Variants in TXLNB observed in about 807,000 individuals in gnomAD.
TXLNB encodes the protein beta-taxilin.
In TXLNB, 37 loss-of-function variants were observed where a neutral mutation model predicts 57.4. The ratio of observed to expected loss-of-function variants is 0.64; its 90% CI spans 0.50 to 0.85. The LOEUF is 0.85. Ranked by LOEUF, TXLNB falls within the 40% of genes least tolerant of loss-of-function variation. The pLI is 0.00. For missense variants in TXLNB, 848 were observed against 825.6 expected (o/e 1.03, Z -0.33); for synonymous variants, 302 against 309.6 (o/e 0.98, Z 0.26).
In TXLNB at chr6:139,242,902, G is replaced by GT. The variant is rs1375072117; in HGVS notation, c.1678dup (p.Thr560AsnfsTer5). On this transcript the variant is annotated frameshift_variant, in exon 10 of 10. Transcript: ENST00000358430. LOFTEE classifies it low-confidence loss of function (END_TRUNC). Reference sequence around the variant, plus strand: ...GCCTCCTTCGGCTTCAGCCTGAGGAGTTAGGGGAGGCAGGGGACTCTCTGA... The same window carrying GT: ...GCCTCCTTCGGCTTCAGCCTGAGGAGTTTAGGGGAGGCAGGGGACTCTCTGA... 6.2e-7 allele frequency: 1 copy of GT among 1,614,170 alleles called. No individual in the cohort carries two copies. The highest frequency in any genetic ancestry group is 8.5e-7 in the Non-Finnish European group (1 of 1,180,028).
the TXLNB span, chr6:139,166,176 C>G: frequency 4.6e-6 from 4 of 871,442 alleles, no homozygotes; most frequent in Non-Finnish European, 7.2e-6. Flanking sequence ...AACTGCCTTT[C>G]ATTATATTCA....
the TXLNB span, among the ~76,000 whole-genome samples, chr6:139,190,703 T>C: frequency 1.3e-5 from 2 of 152,184 alleles, no homozygotes; most frequent in African/African-American, 2.4e-5. Flanking sequence ...GGCACCAAAC[T>C]CATTCTGATT....
At chr6:139,206,850 C>A in the TXLNB span, among the ~76,000 whole-genome samples, 1 of 152,072 alleles carries the variant, frequency 6.6e-6, no homozygotes, top group African/African-American at 2.4e-5. Flanking sequence ...AGTAGTTATT[C>A]TTAGATAAAG....
chr6:139,202,125 T>A, the TXLNB span, among the ~76,000 whole-genome samples: 16 of 152,352 alleles, frequency 1.1e-4, no homozygotes, highest in African/African-American at 3.8e-4. Context: ...CAGAAACCTG[T>A]CCCAGACTGA....
At chr6:139,265,830 C>A (rs1776601377) in intron 4 of TXLNB, among the ~76,000 whole-genome samples, 1 of 152,114 alleles carries the variant, frequency 6.6e-6, no homozygotes, top group African/African-American at 2.4e-5. Context: ...GGGCAAAATT[C>A]TCATATAAAA....
At chr6:139,188,785 T>C in the TXLNB span, among the ~76,000 whole-genome samples, 8 of 150,152 alleles carry the variant, frequency 5.3e-5, no homozygotes, top group East Asian at 1.5e-3. Context: ...GACGAAGTCT[T>C]GCTCTGTCGC....
chr6:139,190,522 G>T, the TXLNB span, among the ~76,000 whole-genome samples: 1 of 152,004 alleles, frequency 6.6e-6, no homozygotes, highest in African/African-American at 2.4e-5. Flanking sequence ...CATTGGCTAG[G>T]CTGGTCTGGA....
At position 139,247,824 on chromosome 6, in the gene TXLNB, A is replaced by G. The variant is rs368627711; in HGVS notation, c.1163T>C (p.Met388Thr). ...NEVFATFKQE[M>T]DKTTKKMKKL... The stretch of plus-strand genomic sequence containing the variant: ...GTGATAAGCAATACTCACTTTGTCC[A>G]TTTCCTGTTTGAACGTGGCAAACAC... Residue 388 changes from methionine (M) to threonine (T), a missense_variant, in exon 8 of 10, where the codon ATG (methionine) becomes ACG (threonine). By Grantham distance (81) the Met-to-Thr change is moderately conservative. Transcript: ENST00000358430. The G allele has an allele frequency of 2.8e-5, 45 of 1,602,370 alleles. 2 individuals are homozygous for G. The South Asian group carries it at 3.9e-4, about 14-fold the overall frequency.
the TXLNB span, among the ~76,000 whole-genome samples, chr6:139,233,694 A>C: frequency 7.2e-5 from 11 of 152,284 alleles, no homozygotes; most frequent in African/African-American, 2.6e-4. Flanking sequence ...GCCATGCAGA[A>C]CTATGAGTCA....
At chr6:139,307,390 T>C in the TXLNB span, among the ~76,000 whole-genome samples, 1 of 152,198 alleles carries the variant, frequency 6.6e-6, no homozygotes, top group East Asian at 1.9e-4. Flanking sequence ...GGTCTTGCTA[T>C]GTTGCTCACT....
At chr6:139,274,788 A>C (rs566981821) in intron 3 of TXLNB, among the ~76,000 whole-genome samples, 1 of 152,248 alleles carries the variant, frequency 6.6e-6, no homozygotes, top group Non-Finnish European at 1.5e-5. Context: ...TCAAGTATAG[A>C]ACATGGCGCT....
the TXLNB span, among the ~76,000 whole-genome samples, chr6:139,314,962 T>C: frequency 6.6e-6 from 1 of 152,014 alleles, no homozygotes; most frequent in South Asian, 2.1e-4. Context: ...ACAAACAAAT[T>C]AGCTACAAGA....
the TXLNB span, among the ~76,000 whole-genome samples, chr6:139,323,475 G>T: frequency 6.6e-6 from 1 of 151,942 alleles, no homozygotes; most frequent in Non-Finnish European, 1.5e-5. Context: ...GTAGAGACGG[G>T]GGTTTCACAG....
the TXLNB span, chr6:139,170,491 G>A: frequency 6.6e-6 from 1 of 152,216 alleles, no homozygotes; most frequent in Non-Finnish European, 1.5e-5. Flanking sequence ...GAATGCTGAT[G>A]TCAAAAGGTG....
chr6:139,173,747 G>T, the TXLNB span, among the ~76,000 whole-genome samples: 3 of 152,164 alleles, frequency 2.0e-5, no homozygotes, highest in Non-Finnish European at 4.4e-5. Context: ...TCAAATAATG[G>T]AGGGGGATCA....
the TXLNB span, chr6:139,174,466 G>T: frequency 6.2e-7 from 1 of 1,613,992 alleles, no homozygotes; most frequent in Non-Finnish European, 8.5e-7. Context: ...TGTAAGTCAC[G>T]GTGGGATGGC....
chr6:139,243,866 C>CA (rs1776009188), intron 9 of TXLNB, among the ~76,000 whole-genome samples: 1 of 152,206 alleles, frequency 6.6e-6, no homozygotes, highest in African/African-American at 2.4e-5. Context: ...TATACTAATT[C>CA]ACGATGCTGG....
the TXLNB span, among the ~76,000 whole-genome samples, chr6:139,161,673 A>G: frequency 6.6e-6 from 1 of 152,214 alleles, no homozygotes; most frequent in East Asian, 1.9e-4. Flanking sequence ...AAGAAATATC[A>G]AGTCAGTCTC....
At chr6:139,313,220 G>C in the TXLNB span, among the ~76,000 whole-genome samples, 2 of 151,908 alleles carry the variant, frequency 1.3e-5, no homozygotes, top group Non-Finnish European at 2.9e-5. Context: ...CTACAGGCAC[G>C]TGCCACCATG....
Sources: allele counts gnomAD v4.1 joint callset (sites outside exome capture counted in the v4.1 genomes callset), GRCh38; gene constraint gnomAD v4.1.1; transcripts MANE v1.5; gene names NCBI Gene and HGNC (gene_info 2026-07-23, HGNC 2026-07-21).